MATR3: variants seen among roughly 807,000 people sequenced by gnomAD.
MATR3 encodes the protein matrin 3, also known as matrin-3.
A neutral mutation model predicts 85.5 loss-of-function variants in MATR3; 4 were observed. That is an observed-to-expected ratio of 0.05 (90% CI 0.02 to 0.11). MATR3 has a LOEUF of 0.11. MATR3 is among the 10% of genes least tolerant of loss of function. MATR3 has a pLI of 1.00. For missense variants in MATR3, 685 were observed against 1,016.1 expected (o/e 0.67, Z 4.43); for synonymous variants, 336 against 343.1 (o/e 0.98, Z 0.23).
intron 1 of MATR3, among the ~76,000 whole-genome samples, chr5:139,302,978 ATC>A (rs1248544548): frequency 2.0e-5 from 3 of 151,346 alleles, no homozygotes; most frequent in African/African-American, 7.3e-5. Flanking sequence ...TTCCCTGAGT[ATC>A]TCTAGTTTTA....
At chr5:139,288,374 C>T (rs920027265) in intron 3 of MATR3, among the ~76,000 whole-genome samples, 7 of 152,168 alleles carry the variant, frequency 4.6e-5, no homozygotes, top group South Asian at 2.1e-4. Context: ...TTTCTCTGCA[C>T]GATCACCAGA....
chr5:139,288,278 C>T (rs1376496129), intron 3 of MATR3, among the ~76,000 whole-genome samples: 1 of 147,612 alleles, frequency 6.8e-6, no homozygotes, highest in Non-Finnish European at 1.5e-5. Context: ...CTGATAAGCC[C>T]CTAAGCACCT....
At chr5:139,297,778 T>C (rs1211463973) in intron 1 of MATR3, among the ~76,000 whole-genome samples, 4 of 152,156 alleles carry the variant, frequency 2.6e-5, no homozygotes, top group Admixed American at 6.5e-5. Context: ...AAAAGTGAAG[T>C]AGTAATGAAA....
chr5:139,320,182 G>A (rs1310496116), intron 9 of MATR3, among the ~76,000 whole-genome samples: 2 of 151,656 alleles, frequency 1.3e-5, no homozygotes, highest in Admixed American at 6.6e-5. Context: ...GGTGGCGTGC[G>A]CCTGTTGTCC....
In MATR3 at chr5:139,308,084, A is replaced by G; in HGVS notation, c.669A>G (p.Arg223=). The G allele has an allele frequency of 6.2e-7, 1 of 1,614,182 alleles. No individual in the cohort carries two copies. The part of the protein sequence containing the change: ...YYDRMDYEDD[R]LRDGERCRDD... ...ACAGAATGGATTATGAAGATGACAGATTAAGAGATGGAGAAAGGTGTAGGG... is the reference window on the plus strand; with the variant it reads ...ACAGAATGGATTATGAAGATGACAGGTTAAGAGATGGAGAAAGGTGTAGGG... The change falls in exon 2 of 15, where the codon AGA becomes AGG. Residue 223 remains arginine, a synonymous_variant. Coordinates refer to ENST00000394805, the MANE Select transcript of MATR3 (RefSeq NM_018834.6).
At chr5:139,274,707 C>A (rs1386537965) in intron 1 of MATR3, among the ~76,000 whole-genome samples, 1 of 151,920 alleles carries the variant, frequency 6.6e-6, no homozygotes, top group Non-Finnish European at 1.5e-5. Flanking sequence ...GAGGCCGAGG[C>A]GGGCGGATGA....
chr5:139,328,475 C>A (rs1324415300), intron 14 of MATR3, among the ~76,000 whole-genome samples: 1 of 152,138 alleles, frequency 6.6e-6, no homozygotes, highest in Non-Finnish European at 1.5e-5. Flanking sequence ...GAAACTCTAG[C>A]AGTCACAGGT....
intron 14 of MATR3, among the ~76,000 whole-genome samples, chr5:139,327,182 A>G (rs1264814553): frequency 6.6e-6 from 1 of 152,154 alleles, no homozygotes; most frequent in Non-Finnish European, 1.5e-5. Context: ...GGTTTTTCAC[A>G]CTGCTTTATA....
Position 139,315,563 on chromosome 5 carries a change from T to G in MATR3, c.975-134T>G, listed in dbSNP as rs1755199068. 3 of 635,584 alleles carry G rather than the reference T, an allele frequency of 4.7e-6. No homozygotes were observed. In the Admixed American group the frequency reaches 8.6e-5, roughly 18 times the overall value. 39.4% of individuals were successfully genotyped at this position (635,584 alleles called of 1,614,324 possible). Reference sequence around the variant, plus strand: ...TTTTGAAATATCTATTGGAAATGCTTTAAAACTATGTTTCTAACACTTAGA... The same window carrying G: ...TTTTGAAATATCTATTGGAAATGCTGTAAAACTATGTTTCTAACACTTAGA... On this transcript the variant is annotated intron_variant, in intron 3 of 14. Coordinates refer to ENST00000394805, the MANE Select transcript of MATR3 (RefSeq NM_018834.6).
At chr5:139,319,165 G>A in intron 8 of MATR3, 132 bp downstream of exon 8, 1 of 1,262,444 alleles carries the variant, frequency 7.9e-7, no homozygotes, top group Non-Finnish European at 1.1e-6. Context: ...ACCTTGGGAG[G>A]CCAAGGTCAG....
chr5:139,326,474 G>A (rs1018151232), intron 14 of MATR3, among the ~76,000 whole-genome samples, 190 bp downstream of exon 14: 28 of 147,004 alleles, frequency 1.9e-4, no homozygotes, highest in Non-Finnish European at 4.2e-4. Context: ...AGGTTGGATT[G>A]CAATGGTGCA....
Position 139,329,791 on chromosome 5 carries a change from T to C in MATR3, c.*396T>C, listed in dbSNP as rs1756042853. On this transcript the variant is annotated 3_prime_UTR_variant, in exon 15 of 15. Coordinates refer to ENST00000394805, the MANE Select transcript of MATR3 (RefSeq NM_018834.6). ...CAAAACCAATAGTGTTTTTATTACT[T>C]TCATCTGAAACATTCCATGTTTTAA... The C allele has an allele frequency of 2.2e-6, 1 of 454,696 alleles. No individual in the cohort carries two copies. The highest frequency in any genetic ancestry group is 6.9e-5 in the East Asian group (1 of 14,428). 28.2% of individuals were successfully genotyped at this position (454,696 alleles called of 1,614,324 possible).
intron 2 of MATR3, chr5:139,310,807 T>G (rs1252730829): frequency 1.3e-5 from 2 of 152,160 alleles, no homozygotes; most frequent in African/African-American, 4.8e-5. Context: ...TTTTTTCTTT[T>G]TTTTTTTGAG....
In MATR3 at chr5:139,322,856, C is replaced by T. The variant is rs766833958; in HGVS notation, c.2037C>T (p.Thr679=). The change falls in exon 12 of 15, where the codon ACC becomes ACT. Residue 679 remains threonine (T), a synonymous_variant. Transcript: ENST00000394805. ...LESGSSVGDE[T]DLANLGDVAS... is the part of the protein sequence containing the mutation. Reference sequence around the variant, plus strand: ...GTGGCAGTTCAGTGGGAGACGAGACCGATCTTGCTAATTTAGGTGATGTGG... The same window carrying T: ...GTGGCAGTTCAGTGGGAGACGAGACTGATCTTGCTAATTTAGGTGATGTGG... 19 of 1,614,100 alleles carry T rather than the reference C, an allele frequency of 1.2e-5. 1 individual carries two copies. In the East Asian group the frequency reaches 3.1e-4, roughly 26 times the overall value.
At chr5:139,324,236 A>G (rs867857621) in intron 12 of MATR3, among the ~76,000 whole-genome samples, 5 of 151,938 alleles carry the variant, frequency 3.3e-5, no homozygotes, top group South Asian at 4.2e-4. Flanking sequence ...CATACTGCTT[A>G]TAAGACACAG....
chr5:139,283,752 T>A (rs183069967), intron 3 of MATR3, among the ~76,000 whole-genome samples: 2 of 152,256 alleles, frequency 1.3e-5, no homozygotes, highest in African/African-American at 4.8e-5. Context: ...TGTCAAGCCT[T>A]ATACAATCTA....
At chr5:139,329,267 A>G (rs972928110) in intron 14 of MATR3, 78 bp from the exon 15 acceptor site, 5 of 986,188 alleles carry the variant, frequency 5.1e-6, no homozygotes, top group East Asian at 4.8e-5. Context: ...TGGATATAGG[A>G]TATTTGATTT....
intron 9 of MATR3, among the ~76,000 whole-genome samples, chr5:139,320,921 T>A (rs1325840772): frequency 6.7e-6 from 1 of 149,478 alleles, no homozygotes; most frequent in Non-Finnish European, 1.5e-5. Context: ...CTAATTTTTT[T>A]TTTTTTTTTT....
At position 139,307,380 on chromosome 5, in the gene MATR3, T is replaced by C; in HGVS notation, c.-36T>C. 3 of 1,580,900 alleles carry C rather than the reference T, an allele frequency of 1.9e-6. No homozygotes were observed. The highest frequency in any genetic ancestry group is 2.2e-5 in the East Asian group (1 of 44,450). ...TGGCCGTCTTTAAAAAAATTTTTTT[T>C]TTTAATCTATAAAATAGACAAGAGC... is the stretch of plus-strand genomic sequence containing the variant. On this transcript the variant is annotated 5_prime_UTR_variant, in exon 2 of 15. Coordinates refer to ENST00000394805, the MANE Select transcript of MATR3 (RefSeq NM_018834.6). This position sits in a 1 kb window ranked among gnomAD's most constrained non-coding sequence, Gnocchi z 4.4.
Sources: allele counts gnomAD v4.1 joint callset (sites outside exome capture counted in the v4.1 genomes callset), GRCh38; gene constraint gnomAD v4.1.1; non-coding constraint Gnocchi (gnomAD v3.1); transcripts MANE v1.5; gene names NCBI Gene and HGNC (gene_info 2026-07-23, HGNC 2026-07-21).